Variants in ABCB10 observed in about 807,000 individuals in gnomAD.
The protein encoded by ABCB10 is ATP-binding cassette sub-family B member 10, mitochondrial.
ABCB10 carries 54 observed loss-of-function variants against 65.4 expected under a neutral mutation model. The ratio of observed to expected loss-of-function variants is 0.83; its 90% CI spans 0.66 to 1.04. The LOEUF (loss-of-function observed/expected upper bound fraction) is 1.04, where lower values mean the gene tolerates loss of function less well. Ranked by LOEUF, ABCB10 falls within the 50% of genes least tolerant of loss-of-function variation. The pLI, the probability that ABCB10 is intolerant of heterozygous loss-of-function variation, is 0.00. For synonymous variants in ABCB10, 418 were observed against 406.5 expected, an observed-to-expected ratio of 1.03 and a Z score of -0.34; for missense variants, 846 against 976.6, an observed-to-expected ratio of 0.87 and a Z score of 1.78.
chr1:229,521,666 C>T, intron 10 of ABCB10, 31 bp from the exon 11 acceptor site: 1 of 1,608,800 alleles, frequency 6.2e-7, no homozygotes, highest in Non-Finnish European at 8.5e-7. Flanking sequence ...AAAAAGAAGG[C>T]CTCAACAAAA....
At chr1:229,550,303 A>G (rs1324798726) in intron 1 of ABCB10, among the ~76,000 whole-genome samples, 2 of 149,482 alleles carry the variant, frequency 1.3e-5, no homozygotes, top group Admixed American at 1.3e-4. Context: ...AGGTGGGTGG[A>G]TTGTTTGAGC....
intron 11 of ABCB10, among the ~76,000 whole-genome samples, chr1:229,520,621 T>G (rs1039063984): frequency 6.6e-6 from 1 of 151,948 alleles, no homozygotes; most frequent in African/African-American, 2.4e-5. Flanking sequence ...TCTTTATATA[T>G]TATTCACAAT....
intron 6 of ABCB10, 82 bp downstream of exon 6, chr1:229,539,374 A>T: frequency 6.5e-7 from 1 of 1,528,374 alleles, no homozygotes; most frequent in South Asian, 1.2e-5. Flanking sequence ...TAATTGAAGT[A>T]ATGTGAAAGT....
At chr1:229,528,706 T>C (rs953655141) in intron 8 of ABCB10, among the ~76,000 whole-genome samples, 6 of 151,942 alleles carry the variant, frequency 3.9e-5, no homozygotes, top group Non-Finnish European at 2.9e-5. Flanking sequence ...TTTTTTTTAA[T>C]AAATAGTGAC....
chr1:229,526,898 G>C (rs562205741), intron 9 of ABCB10, among the ~76,000 whole-genome samples: 1 of 152,262 alleles, frequency 6.6e-6, no homozygotes, highest in South Asian at 2.1e-4. Flanking sequence ...GGCTGGTGAT[G>C]AAAATGGGAA....
At chr1:229,541,492 G>A (rs1157216548) in intron 4 of ABCB10, among the ~76,000 whole-genome samples, 1 of 152,146 alleles carries the variant, frequency 6.6e-6, no homozygotes, top group Admixed American at 6.5e-5. Context: ...CTCCCAATGT[G>A]CTGGGATTAT....
chr1:229,524,462 C>T (rs1439158226), intron 10 of ABCB10, among the ~76,000 whole-genome samples: 6 of 151,820 alleles, frequency 4.0e-5, no homozygotes, highest in African/African-American at 9.7e-5. Flanking sequence ...CATGCCCGGC[C>T]AGGAACTTGT....
At chr1:229,558,038 G>T in intron 1 of ABCB10, 98 bp downstream of exon 1, 1 of 1,209,274 alleles carries the variant, frequency 8.3e-7, no homozygotes, top group South Asian at 2.8e-5. Context: ...GCGGTGACAC[G>T]CGCTCTGCGG....
Position 229,547,516 on chromosome 1 carries a change from CG to C in ABCB10, c.903del (p.Val302Ter). 1 of 1,612,840 alleles carries C rather than the reference CG, an allele frequency of 6.2e-7. No homozygotes were observed. Among genetic ancestry groups the C allele is most frequent in the Non-Finnish European group, 8.5e-7 (1 of 1,179,852 alleles). On this transcript the variant is annotated frameshift_variant, in exon 3 of 13. Coordinates refer to ENST00000344517, the MANE Select transcript of ABCB10 (RefSeq NM_012089.3). LOFTEE classifies it high-confidence loss of function. Reference protein sequence around the residue: ...SDGLRAGAQASVGISMMFFVS... With the variant: ...SDGLRAGAQAXVGISMMFFVS... Reference sequence around the variant, plus strand: ...CCACATACCATCATACTGATGCCTACGGAAGCCTGGGCCCCGGCCCTGAGCC... The same window carrying C: ...CCACATACCATCATACTGATGCCTACGAAGCCTGGGCCCCGGCCCTGAGCC...
chr1:229,549,292 G>A lies in ABCB10; in HGVS notation c.660C>T (p.Ala220=), dbSNP rs1412778261. Residue 220 remains alanine, a synonymous_variant, in exon 2 of 13, where the codon GCC becomes GCT. Coordinates refer to ENST00000344517, the MANE Select transcript of ABCB10 (RefSeq NM_012089.3). ...NLTRLCLGLS[A]VFLCGAAANA... is the part of the protein sequence containing the mutation. ...TGGCGGCAGCACCACACAGAAACAC[G>A]GCACTGAGCCCTAGGCAGAGGCGGG... is the stretch of plus-strand genomic sequence containing the variant. 15 of 1,614,122 alleles carry A rather than the reference G, an allele frequency of 9.3e-6. No homozygotes were observed. The highest frequency in any genetic ancestry group is 1.1e-5 in the Non-Finnish European group (13 of 1,180,020).
intron 3 of ABCB10, among the ~76,000 whole-genome samples, chr1:229,544,834 T>A (rs1662932051): frequency 6.6e-6 from 1 of 152,208 alleles, no homozygotes; most frequent in African/African-American, 2.4e-5. Flanking sequence ...CTCTCCACTA[T>A]GTGAGCACAT....
intron 11 of ABCB10, among the ~76,000 whole-genome samples, chr1:229,520,350 A>G (rs1279691256): frequency 6.6e-6 from 1 of 151,246 alleles, no homozygotes; most frequent in African/African-American, 2.4e-5. Context: ...TGCATCTGTG[A>G]TCCCAGCTAC....
intron 10 of ABCB10, among the ~76,000 whole-genome samples, chr1:229,523,292 T>A (rs1478751040): frequency 6.6e-6 from 1 of 152,218 alleles, no homozygotes; most frequent in East Asian, 1.9e-4. Context: ...TAAGTCATAC[T>A]TGGAAAGTCT....
intron 9 of ABCB10, 63 bp from the exon 10 acceptor site, chr1:229,526,179 T>G (rs1662440497): frequency 6.7e-7 from 1 of 1,488,814 alleles, no homozygotes; most frequent in Non-Finnish European, 9.2e-7. Context: ...TCTAATAAAT[T>G]TAGACCTAGC....
chr1:229,524,471 G>A (rs1662386134), intron 10 of ABCB10, among the ~76,000 whole-genome samples: 1 of 151,576 alleles, frequency 6.6e-6, no homozygotes, highest in East Asian at 1.9e-4. Flanking sequence ...CCAGGAACTT[G>A]TTATCTTGCA....
Position 229,517,972 on chromosome 1 carries a change from A to T in ABCB10, c.*207T>A. ...TGAAAATAACTTCAGTGCTATAGAC[A>T]TTTAAAAAGTTACAATTATTAAAAC... On this transcript the variant is annotated 3_prime_UTR_variant, in exon 13 of 13. Coordinates refer to ENST00000344517, the MANE Select transcript of ABCB10 (RefSeq NM_012089.3). 1.8e-6 allele frequency: 1 copy of T among 558,400 alleles called. No individual in the cohort carries two copies. The highest frequency in any genetic ancestry group is 3.2e-6 in the Non-Finnish European group (1 of 316,006). 34.6% of individuals were successfully genotyped at this position (558,400 alleles called of 1,614,324 possible). A position where few individuals can be genotyped will look rare whatever the true frequency, so the allele number is the denominator to read the frequency against.
At chr1:229,518,928 A>C (rs577660469) in intron 11 of ABCB10, 53 bp from the exon 12 acceptor site, 19 of 1,390,970 alleles carry the variant, frequency 1.4e-5, no homozygotes, top group Non-Finnish European at 1.8e-5. Flanking sequence ...GAAAAATACA[A>C]ACTCTCAGCA....
At chr1:229,549,077 T>A (rs1259557979) in intron 2 of ABCB10, among the ~76,000 whole-genome samples, 157 bp downstream of exon 2, 5 of 152,116 alleles carry the variant, frequency 3.3e-5, no homozygotes, top group Non-Finnish European at 7.3e-5. Context: ...AACTCCAACA[T>A]CTGGGCAGTC....
chr1:229,556,445 G>A (rs937914404), intron 1 of ABCB10, among the ~76,000 whole-genome samples: 1 of 151,864 alleles, frequency 6.6e-6, no homozygotes, highest in Non-Finnish European at 1.5e-5. Context: ...AGGAGGTAGA[G>A]GCAGAGCTGC....
Sources: gnomAD v4.1 joint callset for allele counts (sites outside exome capture counted in the v4.1 genomes callset) on GRCh38, gnomAD v4.1.1 for gene constraint, MANE v1.5 for transcripts, NCBI Gene and HGNC (gene_info 2026-07-23, HGNC 2026-07-21) for gene names.